The following MTCL2 variants were observed in gnomAD, a reference collection of about 807,000 sequenced individuals.
MTCL2 encodes the protein microtubule cross-linking factor 2.
At chr20:36,813,752 CAAAAAAAAAAAA>C in the MTCL2 span, among the ~76,000 whole-genome samples, 1 of 65,846 alleles carries the variant, frequency 1.5e-5, no homozygotes, top group African/African-American at 6.6e-5. Context: ...GACTCTGTCT[CAAAAAAAAAAAA>C]AAAAAAAAAA....
At chr20:36,785,395 T>C in the MTCL2 span, 2 of 983,828 alleles carry the variant, frequency 2.0e-6, no homozygotes, top group Non-Finnish European at 2.4e-6. Context: ...TAAACCACCT[T>C]AAATATTTAT....
At chr20:36,783,644 T>A in the MTCL2 span, 1 of 411,320 alleles carries the variant, frequency 2.4e-6, no homozygotes, top group South Asian at 1.0e-4. Context: ...GAGAACGGGT[T>A]CGAGAAGGGC....
the MTCL2 span, among the ~76,000 whole-genome samples, chr20:36,807,976 C>T: frequency 1.1e-4 from 16 of 146,418 alleles, no homozygotes; most frequent in African/African-American, 3.2e-4. Context: ...CCTGGGTTCA[C>T]GCCATTCTCC....
At chr20:36,847,629 A>C in the MTCL2 span, among the ~76,000 whole-genome samples, 1 of 152,198 alleles carries the variant, frequency 6.6e-6, no homozygotes, top group Non-Finnish European at 1.5e-5. Context: ...CAAAGAGGGA[A>C]GATCCCTTGA....
the MTCL2 span, among the ~76,000 whole-genome samples, chr20:36,838,337 G>A: frequency 2.1e-4 from 32 of 152,322 alleles, no homozygotes; most frequent in South Asian, 6.6e-3. Context: ...GCTCATCCTT[G>A]TAATCCCAGC....
the MTCL2 span, among the ~76,000 whole-genome samples, chr20:36,824,612 T>C: frequency 9.2e-5 from 14 of 151,894 alleles, no homozygotes; most frequent in African/African-American, 3.4e-4. Flanking sequence ...ATGAATATAC[T>C]AAAAATCACT....
chr20:36,836,499 C>T, the MTCL2 span, among the ~76,000 whole-genome samples: 1 of 151,846 alleles, frequency 6.6e-6, no homozygotes, highest in Non-Finnish European at 1.5e-5. Context: ...CGTGTACCAC[C>T]ACACCCGGCT....
At chr20:36,806,938 A>C in the MTCL2 span, among the ~76,000 whole-genome samples, 4 of 152,268 alleles carry the variant, frequency 2.6e-5, no homozygotes, top group African/African-American at 9.6e-5. Context: ...CGTCTGAGAC[A>C]AACTGACTTA....
chr20:36,838,505 G>A, the MTCL2 span, among the ~76,000 whole-genome samples: 1 of 152,068 alleles, frequency 6.6e-6, no homozygotes, highest in East Asian at 1.9e-4. Flanking sequence ...TGAGGTGGGG[G>A]TAGCCCAGGA....
chr20:36,829,707 C>G, the MTCL2 span, among the ~76,000 whole-genome samples: 1 of 151,900 alleles, frequency 6.6e-6, no homozygotes, highest in African/African-American at 2.4e-5. Context: ...TATGTAGACA[C>G]GGGGTCTCAG....
At chr20:36,852,002 C>A in the MTCL2 span, among the ~76,000 whole-genome samples, 1 of 152,266 alleles carries the variant, frequency 6.6e-6, no homozygotes, top group East Asian at 1.9e-4. Context: ...AAGTCCCAGC[C>A]CAGCAACACC....
At chr20:36,835,791 AC>A in the MTCL2 span, among the ~76,000 whole-genome samples, 3 of 151,616 alleles carry the variant, frequency 2.0e-5, no homozygotes, top group East Asian at 5.8e-4. Flanking sequence ...CCCAACAGAA[AC>A]GGCCCCTCCT....
the MTCL2 span, chr20:36,839,445 C>T: frequency 1.2e-4 from 188 of 1,612,152 alleles, no homozygotes; most frequent in Middle Eastern, 6.6e-4. This position sits in a 1 kb window ranked among gnomAD's most constrained non-coding sequence, Gnocchi z 5.1. Context: ...TCTCGTCCTG[C>T]GGAGGGAAGG....
chr20:36,820,309 T>C, the MTCL2 span, among the ~76,000 whole-genome samples: 1 of 151,882 alleles, frequency 6.6e-6, no homozygotes, highest in Non-Finnish European at 1.5e-5. Flanking sequence ...GAGCCAGGGG[T>C]CTGCATAGGT....
At chr20:36,829,155 G>A in the MTCL2 span, 22 of 1,607,654 alleles carry the variant, frequency 1.4e-5, no homozygotes, top group East Asian at 8.9e-5. Flanking sequence ...AGCCGCGCCC[G>A]TTTCTTCTCC....
At chr20:36,813,694 A>C in the MTCL2 span, among the ~76,000 whole-genome samples, 96 of 127,978 alleles carry the variant, frequency 7.5e-4, no homozygotes, top group Non-Finnish European at 1.2e-3. Context: ...CGGAGGTTGC[A>C]GTGAGCTGAG....
the MTCL2 span, among the ~76,000 whole-genome samples, chr20:36,841,874 GGTGTGTGTGTGTGTGTGT>G: frequency 3.4e-4 from 38 of 110,864 alleles, no homozygotes; most frequent in Non-Finnish European, 5.0e-4. Flanking sequence ...TGGGGGGTGG[GGTGTGTGTGTGTGTGTGT>G]GTGTGTGTGT....
At chr20:36,846,245 C>T in the MTCL2 span, among the ~76,000 whole-genome samples, 1 of 151,986 alleles carries the variant, frequency 6.6e-6, no homozygotes, top group African/African-American at 2.4e-5. Context: ...ACTGGGGAAA[C>T]CCCAAGCCTC....
the MTCL2 span, among the ~76,000 whole-genome samples, chr20:36,810,567 A>G: frequency 6.6e-6 from 1 of 152,298 alleles, no homozygotes; most frequent in Admixed American, 6.5e-5. Context: ...ACTACAACAG[A>G]AAGTAGAAAA....
Sources: allele counts gnomAD v4.1 joint callset (sites outside exome capture counted in the v4.1 genomes callset), GRCh38; gene constraint gnomAD v4.1.1; non-coding constraint Gnocchi (gnomAD v3.1); transcripts MANE v1.5; gene names NCBI Gene and HGNC (gene_info 2026-07-23, HGNC 2026-07-21).